The following NEK6 variants were observed in gnomAD, a reference collection of about 807,000 sequenced individuals.
The protein encoded by NEK6 is NIMA related kinase 6.
Under a neutral mutation model 43.5 loss-of-function variants are expected in NEK6, and 27 were observed. That is an observed-to-expected ratio of 0.62 (90% CI 0.46 to 0.86). The LOEUF (loss-of-function observed/expected upper bound fraction) is 0.86, where lower values mean the gene tolerates loss of function less well. Ranked by LOEUF, NEK6 falls within the 40% of genes least tolerant of loss-of-function variation. The pLI, the probability that NEK6 is intolerant of heterozygous loss-of-function variation, is 0.00. For synonymous variants in NEK6, 167 were observed against 164.1 expected, an observed-to-expected ratio of 1.02 and a Z score of -0.14; for missense variants, 318 against 414.4, an observed-to-expected ratio of 0.77 and a Z score of 2.02.
intron 1 of NEK6, among the ~76,000 whole-genome samples, chr9:124,298,944 C>T (rs1262315070): frequency 6.6e-6 from 1 of 152,244 alleles, no homozygotes; most frequent in African/African-American, 2.4e-5. Context: ...GAGCCCTGCC[C>T]ATGTGAGGCC....
intron 7 of NEK6, 91 bp from the exon 8 acceptor site, chr9:124,339,479 AG>A (rs1829475803): frequency 1.9e-5 from 16 of 845,394 alleles, no homozygotes; most frequent in Non-Finnish European, 3.1e-5. Flanking sequence ...ATCTCTCCCC[AG>A]CTCCCGTGTG....
At chr9:124,321,995 G>T (rs911327913) in intron 5 of NEK6, among the ~76,000 whole-genome samples, 1 of 152,214 alleles carries the variant, frequency 6.6e-6, no homozygotes, top group Non-Finnish European at 1.5e-5. Flanking sequence ...ACCCCGTTTG[G>T]TCAGACCCCA....
At chr9:124,301,220 C>A (rs1186039334) in intron 1 of NEK6, among the ~76,000 whole-genome samples, 1 of 152,144 alleles carries the variant, frequency 6.6e-6, no homozygotes, top group Non-Finnish European at 1.5e-5. Flanking sequence ...GGGGGAGATG[C>A]CCAGATGGCC....
At chr9:124,259,686 G>C in intron 1 of NEK6, among the ~76,000 whole-genome samples, 1 of 152,152 alleles carries the variant, frequency 6.6e-6, no homozygotes, top group Non-Finnish European at 1.5e-5. Flanking sequence ...CCCTGGCAGA[G>C]AGCCTGACGG....
At chr9:124,328,155 G>A (rs529024000) in intron 7 of NEK6, among the ~76,000 whole-genome samples, 1 of 152,156 alleles carries the variant, frequency 6.6e-6, no homozygotes, top group African/African-American at 2.4e-5. Flanking sequence ...GACAGGTGAA[G>A]CAATGGCAAG....
At chr9:124,279,797 C>T (rs1468249996) in intron 1 of NEK6, among the ~76,000 whole-genome samples, 1 of 152,232 alleles carries the variant, frequency 6.6e-6, no homozygotes. Context: ...CCTCAAGGCA[C>T]GTATCGCTGT....
intron 1 of NEK6, chr9:124,292,830 GGACATTTCCAT>G: frequency 7.0e-7 from 1 of 1,438,068 alleles, no homozygotes; most frequent in Non-Finnish European, 9.2e-7. Flanking sequence ...CTACCCTCAA[GGACATTTCCAT>G]GTTCAAGGAG....
At chr9:124,265,645 C>G (rs1055660773) in intron 1 of NEK6, 4 of 152,254 alleles carry the variant, frequency 2.6e-5, no homozygotes, top group Non-Finnish European at 4.4e-5. Flanking sequence ...GCCTGCTGCT[C>G]TGTAGCCTAA....
intron 1 of NEK6, among the ~76,000 whole-genome samples, chr9:124,279,352 A>AGT (rs1831793557): frequency 7.3e-6 from 1 of 137,674 alleles, no homozygotes. Context: ...CCCAGGCTGG[A>AGT]GTGCAGTGGC....
chr9:124,350,648 C>T (rs1830217435), intron 9 of NEK6, among the ~76,000 whole-genome samples, 189 bp from the exon 10 acceptor site: 1 of 152,106 alleles, frequency 6.6e-6, no homozygotes, highest in Admixed American at 6.6e-5. Flanking sequence ...TACTGGCTAG[C>T]CCTTGGGAGC....
intron 7 of NEK6, among the ~76,000 whole-genome samples, chr9:124,336,577 C>T (rs1192607668): frequency 6.6e-6 from 1 of 152,192 alleles, no homozygotes; most frequent in African/African-American, 2.4e-5. Context: ...TTCCTCATGT[C>T]ACAGGCCACA....
At chr9:124,308,269 A>T (rs2130835372) in intron 2 of NEK6, among the ~76,000 whole-genome samples, 1 of 152,296 alleles carries the variant, frequency 6.6e-6, no homozygotes, top group Middle Eastern at 3.4e-3. Context: ...CCCTCTGCCA[A>T]CTTGTGCCCT....
chr9:124,269,339 C>T (rs963070414), intron 1 of NEK6, among the ~76,000 whole-genome samples: 1 of 152,106 alleles, frequency 6.6e-6, no homozygotes, highest in Admixed American at 6.5e-5. Flanking sequence ...AAACCCCCCA[C>T]CCCTGCCTGG....
intron 4 of NEK6, among the ~76,000 whole-genome samples, chr9:124,316,086 G>A (rs1833806671): frequency 1.3e-5 from 2 of 152,228 alleles, no homozygotes; most frequent in Non-Finnish European, 2.9e-5. Flanking sequence ...CCACTCCACA[G>A]GTAGCCCATG....
intron 1 of NEK6, among the ~76,000 whole-genome samples, chr9:124,264,402 C>G (rs1032110016): frequency 1.3e-5 from 2 of 152,212 alleles, no homozygotes; most frequent in Admixed American, 6.5e-5. Flanking sequence ...GCCAGTAACA[C>G]CAGGCACCAG....
intron 1 of NEK6, among the ~76,000 whole-genome samples, chr9:124,273,411 C>A (rs921782570): frequency 6.6e-6 from 1 of 152,166 alleles, no homozygotes; most frequent in Non-Finnish European, 1.5e-5. Context: ...CATTCCACAG[C>A]GAAACTGCCT....
At chr9:124,331,245 G>A (rs564990972) in intron 7 of NEK6, among the ~76,000 whole-genome samples, 3 of 131,988 alleles carry the variant, frequency 2.3e-5, no homozygotes, top group East Asian at 5.2e-4. Context: ...CAGCCTGGGC[G>A]AGCGACTCTG....
In NEK6 at chr9:124,257,989, G is replaced by T; in HGVS notation, c.-126G>T. Reference sequence around the variant, plus strand: ...GCGGAACCGAGCTGACGGGCGTGCGGCCGCTGCGCCGCAAACTCGTGTGGG... The same window carrying T: ...GCGGAACCGAGCTGACGGGCGTGCGTCCGCTGCGCCGCAAACTCGTGTGGG... On this transcript the variant is annotated 5_prime_UTR_variant, in exon 1 of 10. Coordinates refer to ENST00000320246, the MANE Select transcript of NEK6 (RefSeq NM_014397.6). 1.0e-6 allele frequency: 1 copy of T among 978,892 alleles called. No homozygotes were observed. Among genetic ancestry groups the T allele is most frequent in the Non-Finnish European group, 1.2e-6 (1 of 827,468 alleles). The allele number at this position is 978,892 out of a possible 1,614,324, so 60.6% of individuals were successfully genotyped here.
chr9:124,326,217 C>CCCCCCCCCCCT lies in NEK6; in HGVS notation c.406-112_406-111insCCCCCCCCCTC. On this transcript the variant is annotated intron_variant, in intron 5 of 9. Coordinates refer to ENST00000320246, the MANE Select transcript of NEK6 (RefSeq NM_014397.6). This position sits in a 1 kb window ranked among gnomAD's most constrained non-coding sequence, Gnocchi z 4.5. ...AGTGGCTCAATCCCCCCCCCCCGCC[C>CCCCCCCCCCCT]CTGCCAGGCACCAGTTACCCACTGG... The CCCCCCCCCCCT allele has an allele frequency of 4.7e-6, 1 of 213,938 alleles. No individual in the cohort carries two copies. The highest frequency in any genetic ancestry group is 1.2e-5 in the Non-Finnish European group (1 of 85,810). 13.3% of individuals were successfully genotyped at this position (213,938 alleles called of 1,614,324 possible).
Sources: allele counts gnomAD v4.1 joint callset (sites outside exome capture counted in the v4.1 genomes callset), GRCh38; gene constraint gnomAD v4.1.1; non-coding constraint Gnocchi (gnomAD v3.1); transcripts MANE v1.5; gene names NCBI Gene and HGNC (gene_info 2026-07-23, HGNC 2026-07-21).